Variants in ZNF454 observed in about 807,000 individuals in gnomAD.
ZNF454 encodes zinc finger protein 454.
Under a neutral mutation model 48.2 loss-of-function variants are expected in ZNF454, and 30 were observed. That is an observed-to-expected ratio of 0.62 (90% CI 0.47 to 0.84). The LOEUF is 0.84. Among genes scored for constraint, ZNF454 ranks in the 40% least tolerant of loss-of-function variants. The pLI, the probability that ZNF454 is intolerant of heterozygous loss-of-function variation, is 0.00. For missense variants in ZNF454, 510 were observed against 623.1 expected, an observed-to-expected ratio of 0.82 and a Z score of 1.93; for synonymous variants, 204 against 211.4, an observed-to-expected ratio of 0.97 and a Z score of 0.30.
chr5:178,966,770 G>A (rs549139473), downstream of ZNF454, among the ~76,000 whole-genome samples: 3 of 151,914 alleles, frequency 2.0e-5, no homozygotes, highest in South Asian at 2.1e-4. Flanking sequence ...GAGAAAGTAC[G>A]TCACCCACAC....
chr5:178,954,995 C>A (rs561435630), intron 4 of ZNF454, among the ~76,000 whole-genome samples: 1 of 152,328 alleles, frequency 6.6e-6, no homozygotes, highest in Admixed American at 6.5e-5. Flanking sequence ...TGGGCTAAAG[C>A]CACTATGAAC....
intron 4 of ZNF454, among the ~76,000 whole-genome samples, chr5:178,963,175 C>G (rs1369105532): frequency 3.3e-5 from 5 of 151,812 alleles, no homozygotes; most frequent in African/African-American, 1.2e-4. Context: ...ACTATAAAGT[C>G]TGCCTGGGTG....
intron 4 of ZNF454, among the ~76,000 whole-genome samples, chr5:178,963,244 G>A (rs768430332): frequency 2.0e-5 from 3 of 151,768 alleles, no homozygotes; most frequent in Admixed American, 6.6e-5. Flanking sequence ...GTTGTTTTCT[G>A]CAGAAATGTT....
At chr5:178,962,266 T>C (rs1383173639) in intron 4 of ZNF454, among the ~76,000 whole-genome samples, 2 of 151,788 alleles carry the variant, frequency 1.3e-5, no homozygotes, top group Non-Finnish European at 2.9e-5. Context: ...TCAAAGGTAG[T>C]GTATCATTTG....
the ZNF454 span, chr5:178,989,261 T>C: frequency 6.4e-7 from 1 of 1,569,168 alleles, no homozygotes; most frequent in Non-Finnish European, 8.6e-7. Flanking sequence ...TGGGCAGCTC[T>C]CACCTGTGCA....
chr5:178,973,712 G>A, the ZNF454 span, among the ~76,000 whole-genome samples: 1 of 151,992 alleles, frequency 6.6e-6, no homozygotes, highest in Non-Finnish European at 1.5e-5. Flanking sequence ...GTGTGGTGGC[G>A]GGCGCCTGTA....
At chr5:178,958,990 A>T (rs531382080) in intron 4 of ZNF454, among the ~76,000 whole-genome samples, 41 of 150,604 alleles carry the variant, frequency 2.7e-4, no homozygotes, top group Non-Finnish European at 5.9e-4. Flanking sequence ...AGAAATTCTG[A>T]ATTTTGAGAT....
At chr5:178,945,580 T>C (rs957659871) in intron 2 of ZNF454, among the ~76,000 whole-genome samples, 1 of 149,118 alleles carries the variant, frequency 6.7e-6, no homozygotes, top group East Asian at 2.0e-4. Flanking sequence ...TGTGTCTGTG[T>C]GCTTGTGTAT....
chr5:178,971,316 T>A (rs1760229991), downstream of ZNF454, among the ~76,000 whole-genome samples: 1 of 151,990 alleles, frequency 6.6e-6, no homozygotes, highest in African/African-American at 2.4e-5. Flanking sequence ...TCTTTGGGTG[T>A]CTGAGGGAAA....
At chr5:178,983,265 C>T in the ZNF454 span, 19 of 1,543,184 alleles carry the variant, frequency 1.2e-5, no homozygotes, top group Non-Finnish European at 1.7e-5. Flanking sequence ...TTTCCAGGGA[C>T]AAATCCATTC....
rs60415675 is a variant in ZNF454 at position 178,957,339 on chromosome 5, T to TA, written c.251-7315dup. ...AACATTATATAGGAGGCTTGGAACA[T>TA]ACTACTTGCATGCCACTTCAAAGCC... On this transcript the variant is annotated intron_variant, in intron 4 of 4. Transcript: ENST00000519564. Among the ~76,000 whole-genome samples, 1,410 of 152,320 alleles carry TA rather than the reference T, an allele frequency of 9.3e-3. 74 individuals are homozygous for TA. The East Asian group carries it at 0.13, about 14-fold the overall frequency.
At chr5:178,942,996 G>T (rs1759172524) in intron 2 of ZNF454, among the ~76,000 whole-genome samples, 172 bp downstream of exon 2, 1 of 152,122 alleles carries the variant, frequency 6.6e-6, no homozygotes, top group Non-Finnish European at 1.5e-5. Context: ...GCTCATCCTG[G>T]TGGGTGTTGC....
At chr5:178,969,812 G>A (rs1760213663), downstream of ZNF454, 2 of 354,640 alleles carry the variant, frequency 5.6e-6, no homozygotes, top group Admixed American at 7.4e-5. Context: ...TAGACTGATA[G>A]GTTCTTCATT....
At position 178,964,796 on chromosome 5, in the gene ZNF454, G is replaced by T. The variant is rs770872824; in HGVS notation, c.392G>T (p.Gly131Val). ...GCTAGCCTGCTGGAGTGGCAATGTG[G>T]AGGCCAGGAGATCAGTTTGCAGCGA... is the stretch of plus-strand genomic sequence containing the variant. ...KCASLLEWQC[G>V]GQEISLQRVV... Residue 131 changes from glycine (G) to valine (V), a missense_variant, in exon 5 of 5, where the codon GGA becomes GTA. Transcript: ENST00000519564. 1 of 1,614,168 alleles carries T rather than the reference G, an allele frequency of 6.2e-7. No individual in the cohort carries two copies. The highest frequency in any genetic ancestry group is 8.5e-7 in the Non-Finnish European group (1 of 1,180,034).
chr5:178,965,044 A>G lies in ZNF454; in HGVS notation c.640A>G (p.Lys214Glu). 1.2e-6 allele frequency: 2 copies of G among 1,614,210 alleles called. No homozygotes were observed. The highest frequency in any genetic ancestry group is 1.7e-6 in the Non-Finnish European group (2 of 1,180,020). ...NANQKIHIKE[K>E]RYECRECGKA... is the part of the protein sequence containing the mutation. ...AAATCAGAAAATTCATATTAAGGAGAAAAGATATGAATGTAGAGAATGTGG... is the reference window on the plus strand; with the variant it reads ...AAATCAGAAAATTCATATTAAGGAGGAAAGATATGAATGTAGAGAATGTGG... Residue 214 changes from lysine to glutamate, a missense_variant, in exon 5 of 5, where the codon AAA (lysine) becomes GAA (glutamate). Around this residue, in one of 3 missense-constraint regions of ZNF454, gnomAD observed 354 missense variants for 408.9 expected, o/e 0.87. Transcript: ENST00000519564. This position sits in a 1 kb window ranked among gnomAD's most constrained non-coding sequence, Gnocchi z 5.2.
At chr5:178,957,347 G>C (rs184463106) in intron 4 of ZNF454, among the ~76,000 whole-genome samples, 5 of 152,226 alleles carry the variant, frequency 3.3e-5, no homozygotes, top group African/African-American at 1.2e-4. Context: ...CATACTACTT[G>C]CATGCCACTT....
At chr5:178,957,171 C>T (rs920704796) in intron 4 of ZNF454, among the ~76,000 whole-genome samples, 2 of 151,736 alleles carry the variant, frequency 1.3e-5, no homozygotes, top group African/African-American at 4.8e-5. Context: ...CGTGAGCCAC[C>T]GCGCCCGGCC....
chr5:178,964,241 C>T (rs1760076784), intron 4 of ZNF454, among the ~76,000 whole-genome samples: 1 of 151,694 alleles, frequency 6.6e-6, no homozygotes, highest in Non-Finnish European at 1.5e-5. Context: ...CTGCCTCAGC[C>T]TCCTGAGTAG....
At position 178,965,965 on chromosome 5, in the gene ZNF454, G is replaced by A. The variant is rs550431375; in HGVS notation, c.1561G>A (p.Glu521Lys). The A allele has an allele frequency of 6.4e-6, 10 of 1,569,142 alleles. No individual in the cohort carries two copies. The East Asian group carries it at 2.2e-4, about 35-fold the overall frequency. The change falls in exon 5 of 5, where the codon GAG becomes AAG. Residue 521 changes from glutamate to lysine, a missense_variant. Glu to Lys is a moderately conservative substitution (Grantham distance 56, BLOSUM62 1). Coordinates refer to ENST00000519564, the MANE Select transcript of ZNF454 (RefSeq NM_001178089.3). This position sits in a 1 kb window ranked among gnomAD's most constrained non-coding sequence, Gnocchi z 5.2. ...TCAGCATCAGAGACATCATATTGGA[G>A]AGAAGTGATATGAATGCAGTTTGTA... ...LIQHQRHHIG[E>K]K
Sources: allele counts gnomAD v4.1 joint callset (sites outside exome capture counted in the v4.1 genomes callset), GRCh38; gene constraint gnomAD v4.1.1; regional missense constraint gnomAD v4.1.1; non-coding constraint Gnocchi (gnomAD v3.1); transcripts MANE v1.5; gene names NCBI Gene and HGNC (gene_info 2026-07-23, HGNC 2026-07-21).